Variants in POU2F2 observed in about 807,000 individuals in gnomAD.
POU2F2 encodes POU class 2 homeobox 2, also known as POU domain, class 2, transcription factor 2.
Under a neutral mutation model 63.5 loss-of-function variants are expected in POU2F2, and 14 were observed. The ratio of observed to expected loss-of-function variants is 0.22; its 90% CI spans 0.15 to 0.34. The LOEUF (loss-of-function observed/expected upper bound fraction) is 0.34, where lower values mean the gene tolerates loss of function less well. POU2F2 is among the 10% of genes least tolerant of loss of function. The probability of loss-of-function intolerance (pLI) is 1.00; values close to 1 mark genes in which losing one functional copy is unlikely to be tolerated. For synonymous variants in POU2F2, 306 were observed against 348.6 expected, an observed-to-expected ratio of 0.88 and a Z score of 1.36; for missense variants, 607 against 815.2, an observed-to-expected ratio of 0.74 and a Z score of 3.11.
upstream of POU2F2, among the ~76,000 whole-genome samples, chr19:42,176,868 G>A (rs542278613): frequency 1.8e-3 from 280 of 151,598 alleles, no homozygotes; most frequent in African/African-American, 6.6e-3. Context: ...GCTCCCGCCC[G>A]GCTCCCGCCC....
chr19:42,122,669 C>T, intron 1 of POU2F2, 93 bp from the exon 2 acceptor site: 2 of 1,177,590 alleles, frequency 1.7e-6, no homozygotes, highest in Non-Finnish European at 2.4e-6. Flanking sequence ...AAGCCTTTCC[C>T]CCAAATTCCC....
intron 1 of POU2F2, among the ~76,000 whole-genome samples, chr19:42,193,179 C>G (rs2035092892): frequency 7.0e-6 from 1 of 142,350 alleles, no homozygotes; most frequent in Admixed American, 7.3e-5. Flanking sequence ...GATCGGGCCA[C>G]TGCACTGCAA....
intron 1 of POU2F2, among the ~76,000 whole-genome samples, chr19:42,171,224 T>C (rs2034758482): frequency 6.6e-6 from 1 of 152,202 alleles, no homozygotes. Context: ...TTTGAGTATG[T>C]GTGGAAGTCC....
chr19:42,117,108 A>C lies in POU2F2; in HGVS notation c.369+142T>G. On this transcript the variant is annotated intron_variant, in intron 5 of 14. Transcript: ENST00000692977. The surrounding 1 kb of genome is among the most constrained non-coding windows in gnomAD (Gnocchi z 4.4). ...TAAGCCAAGCAAGTAAGGGGACAAG[A>C]CCTCCTAGAGGACAGAAGAGGGCAA... 1.4e-6 allele frequency: 1 copy of C among 730,524 alleles called. No individual in the cohort carries two copies. The highest frequency in any genetic ancestry group is 1.8e-5 in the African/African-American group (1 of 54,862). 45.3% of individuals were successfully genotyped at this position (730,524 alleles called of 1,614,324 possible). A position where few individuals can be genotyped will look rare whatever the true frequency, so the allele number is the denominator to read the frequency against.
intron 2 of POU2F2, among the ~76,000 whole-genome samples, chr19:42,149,109 C>T (rs1433949803): frequency 6.6e-6 from 1 of 152,124 alleles, no homozygotes; most frequent in Non-Finnish European, 1.5e-5. Context: ...CCTGGGCTTT[C>T]AAGGCAACAT....
intron 1 of POU2F2, among the ~76,000 whole-genome samples, chr19:42,163,239 T>C (rs370371561): frequency 9.1e-4 from 138 of 152,040 alleles, no homozygotes; most frequent in African/African-American, 3.2e-3. Context: ...TCTGGGGTGC[T>C]GTGTTGGGAG....
At chr19:42,161,440 G>A (rs949241365) in intron 1 of POU2F2, among the ~76,000 whole-genome samples, 3 of 152,138 alleles carry the variant, frequency 2.0e-5, no homozygotes, top group African/African-American at 4.8e-5. Flanking sequence ...CAGAGAAGTA[G>A]GCAAGAGGTC....
At position 42,131,016 on chromosome 19, in the gene POU2F2, T is replaced by G. The variant is rs1340300944; in HGVS notation, c.28+1368A>C. ...CCAACCCCAGCCCTGACCCCTCTGC[T>G]TGGGGCCTCCCTCATCCCAGCCCCA... On this transcript the variant is annotated intron_variant, in intron 1 of 14. Coordinates refer to ENST00000692977, the MANE Select transcript of POU2F2 (RefSeq NM_001394376.1). 5.3e-5 allele frequency among the ~76,000 whole-genome samples: 3 copies of G among 57,070 alleles called. No individual in the cohort carries two copies. The Admixed American group carries it at 7.0e-4, about 13-fold the overall frequency. The allele number at this position is 57,070 out of a possible 152,430, so 37.4% of individuals were successfully genotyped here.
chr19:42,128,052 C>T (rs1282828546), intron 1 of POU2F2, among the ~76,000 whole-genome samples: 2 of 152,080 alleles, frequency 1.3e-5, no homozygotes, highest in Non-Finnish European at 2.9e-5. Context: ...TCTCTGATTC[C>T]CCAGATGGTC....
chr19:42,138,994 G>A (rs542198970), intron 2 of POU2F2, among the ~76,000 whole-genome samples: 2 of 152,144 alleles, frequency 1.3e-5, no homozygotes, highest in Non-Finnish European at 2.9e-5. Context: ...AAGAAAAGAA[G>A]CACTGTGATG....
At position 42,117,370 on chromosome 19, in the gene POU2F2, G is replaced by A. The variant is rs548592335; in HGVS notation, c.249C>T (p.Pro83=). 12 of 1,528,338 alleles carry A rather than the reference G, an allele frequency of 7.9e-6. No homozygotes were observed. In the South Asian group the frequency reaches 1.2e-4, roughly 15 times the overall value. The allele number at this position is 1,528,338 out of a possible 1,614,324, so 94.7% of individuals were successfully genotyped here. Residue 83 remains proline, a synonymous_variant, in exon 5 of 15, where the codon CCC becomes CCT. Transcript: ENST00000692977. The surrounding 1 kb of genome is among the most constrained non-coding windows in gnomAD (Gnocchi z 4.4). The stretch of plus-strand genomic sequence containing the variant: ...CACTGGGGTCTTCAGCCTTGATCTG[G>A]GGGGGAGAGAGGCAGGGTCCGGGAC... ...FWGPGPCLSP[P]QIKAEDPSGD...
intron 1 of POU2F2, among the ~76,000 whole-genome samples, chr19:42,172,090 C>A (rs2034781706): frequency 6.6e-6 from 1 of 152,188 alleles, no homozygotes. Flanking sequence ...GACTACACCT[C>A]CAACCTGGGC....
intron 5 of POU2F2, among the ~76,000 whole-genome samples, chr19:42,115,487 G>A (rs1042799305): frequency 1.3e-5 from 2 of 152,210 alleles, no homozygotes; most frequent in African/African-American, 4.8e-5. Flanking sequence ...AGTTAAACAG[G>A]TGGCTTTGCT....
Position 42,095,488 on chromosome 19 carries a change from G to A in POU2F2, c.1021-26C>T, listed in dbSNP as rs751535664. On this transcript the variant is annotated intron_variant, in intron 10 of 14. Transcript: ENST00000692977. This position sits in a 1 kb window ranked among gnomAD's most constrained non-coding sequence, Gnocchi z 7.1. ...CTGCAGGCAGAGGGCTCGTTAGCCC[G>A]AGGCCCACCGCCCGCCACCCCTCAG... The A allele has an allele frequency of 8.1e-6, 13 of 1,607,696 alleles. No homozygotes were observed. The highest frequency in any genetic ancestry group is 1.7e-5 in the Admixed American group (1 of 59,682).
chr19:42,095,524 C>A lies in POU2F2; in HGVS notation c.1020+21G>T. 1 of 1,601,662 alleles carries A rather than the reference C, an allele frequency of 6.2e-7. No individual in the cohort carries two copies. The highest frequency in any genetic ancestry group is 8.5e-7 in the Non-Finnish European group (1 of 1,173,836). On this transcript the variant is annotated intron_variant, in intron 10 of 14. Transcript: ENST00000692977. This position sits in a 1 kb window ranked among gnomAD's most constrained non-coding sequence, Gnocchi z 7.1. Reference sequence around the variant, plus strand: ...CCCGCCACCCCTCAGGTGAGGGCCACCCAGGAGAGGGGGGCCTCACCGCTA... The same window carrying A: ...CCCGCCACCCCTCAGGTGAGGGCCAACCAGGAGAGGGGGGCCTCACCGCTA...
chr19:42,146,026 C>A (rs1485426854), intron 2 of POU2F2, among the ~76,000 whole-genome samples: 1 of 143,674 alleles, frequency 7.0e-6, no homozygotes, highest in Non-Finnish European at 1.5e-5. Flanking sequence ...GAGCGAGACT[C>A]CGTCTCAAAA....
intron 2 of POU2F2, among the ~76,000 whole-genome samples, chr19:42,160,099 C>A (rs1487265714): frequency 1.3e-5 from 2 of 152,132 alleles, no homozygotes; most frequent in Non-Finnish European, 2.9e-5. Context: ...TAACACTGAT[C>A]AGCAGAAACA....
chr19:42,194,707 C>T (rs1440005832), intron 1 of POU2F2, among the ~76,000 whole-genome samples: 6 of 129,256 alleles, frequency 4.6e-5, no homozygotes, highest in East Asian at 4.5e-4. Context: ...TACAGTGAGC[C>T]GAAATCACGC....
chr19:42,126,213 G>A (rs1433946294), intron 1 of POU2F2, among the ~76,000 whole-genome samples: 1 of 152,154 alleles, frequency 6.6e-6, no homozygotes. Context: ...GGGAGGCCGA[G>A]GTGGGCAGAT....
Sources: allele counts gnomAD v4.1 joint callset (sites outside exome capture counted in the v4.1 genomes callset), GRCh38; gene constraint gnomAD v4.1.1; non-coding constraint Gnocchi (gnomAD v3.1); transcripts MANE v1.5; gene names NCBI Gene and HGNC (gene_info 2026-07-23, HGNC 2026-07-21).